Variants in SLCO3A1 observed in about 807,000 individuals in gnomAD.
The protein encoded by SLCO3A1 is PGE1 transporter.
Under a neutral mutation model 63.1 loss-of-function variants are expected in SLCO3A1, and 27 were observed. That is an observed-to-expected ratio of 0.43 (90% CI 0.32 to 0.59). SLCO3A1 has a LOEUF of 0.59. Among genes scored for constraint, SLCO3A1 ranks in the 20% least tolerant of loss-of-function variants. The pLI, the probability that SLCO3A1 is intolerant of heterozygous loss-of-function variation, is 0.09. For synonymous variants in SLCO3A1, 473 were observed against 409.9 expected (o/e 1.15, Z -1.86); for missense variants, 773 against 945.8 (o/e 0.82, Z 2.40).
At chr15:92,154,338 C>G (rs770428685) in intron 9 of SLCO3A1, among the ~76,000 whole-genome samples, 2 of 152,194 alleles carry the variant, frequency 1.3e-5, no homozygotes, top group Non-Finnish European at 2.9e-5. Context: ...GGATGTAGAG[C>G]AAGTTGGGAG....
chr15:92,172,101 A>G (rs1007270749), exon 11 of SLCO3A1: 2 of 461,170 alleles, frequency 4.3e-6, no homozygotes, highest in South Asian at 3.6e-5. Context: ...CTGGGTCTCT[A>G]AAGAGTCATG....
At chr15:92,078,802 G>A (rs888040341) in intron 2 of SLCO3A1, among the ~76,000 whole-genome samples, 3 of 152,146 alleles carry the variant, frequency 2.0e-5, no homozygotes, top group South Asian at 2.1e-4. Context: ...AAATGAGGTA[G>A]TACATGGAAT....
intron 2 of SLCO3A1, among the ~76,000 whole-genome samples, chr15:92,035,319 A>G (rs912812440): frequency 6.6e-6 from 1 of 151,864 alleles, no homozygotes; most frequent in Non-Finnish European, 1.5e-5. Flanking sequence ...AATGGGAAAC[A>G]TCATGATTTT....
chr15:92,141,989 T>C (rs1419003245), intron 7 of SLCO3A1, among the ~76,000 whole-genome samples: 1 of 152,210 alleles, frequency 6.6e-6, no homozygotes, highest in Non-Finnish European at 1.5e-5. Context: ...ATTGACTCAT[T>C]GGATGGAAAA....
chr15:92,060,644 C>T (rs987802547), intron 2 of SLCO3A1, among the ~76,000 whole-genome samples: 10 of 151,976 alleles, frequency 6.6e-5, no homozygotes, highest in African/African-American at 1.9e-4. Context: ...GGACTACAGA[C>T]GCACAGTGCC....
At position 91,954,107 on chromosome 15, in the gene SLCO3A1, C is replaced by G. The variant is rs1266565768; in HGVS notation, c.646+37649C>G. On this transcript the variant is annotated intron_variant, in intron 2 of 9. Transcript: ENST00000318445. The surrounding 1 kb of genome is among the most constrained non-coding windows in gnomAD (Gnocchi z 4.7). ...TTCACAGAGCATGTAGAAACCCCCA[C>G]TCATGAGGGAAAGATTGAGAAAGGC... Among the ~76,000 whole-genome samples the G allele has an allele frequency of 6.6e-6, 1 of 152,202 alleles. No homozygotes were observed. Among genetic ancestry groups the G allele is most frequent in the Non-Finnish European group, 1.5e-5 (1 of 68,038 alleles).
chr15:92,125,244 C>T (rs1217374584), intron 5 of SLCO3A1, among the ~76,000 whole-genome samples: 1 of 152,128 alleles, frequency 6.6e-6, no homozygotes, highest in East Asian at 1.9e-4. Context: ...GCATCATCTA[C>T]ATGGTAGATA....
Position 91,960,507 on chromosome 15 carries a change from G to A in SLCO3A1, c.646+44049G>A, listed in dbSNP as rs116384573. Among the ~76,000 whole-genome samples the A allele has an allele frequency of 3.5e-3, 539 of 152,198 alleles. 2 individuals carry two copies. Among genetic ancestry groups the A allele is most frequent in the African/African-American group, 0.012 (511 of 41,536 alleles). On this transcript the variant is annotated intron_variant, in intron 2 of 9. Coordinates refer to ENST00000318445, the MANE Select transcript of SLCO3A1 (RefSeq NM_013272.4). ...TATTGGATACATCCAAGCCAGTTCC[G>A]GGATGCCTTCTCTCTGTGGTGTCCC...
At position 91,853,867 on chromosome 15, in the gene SLCO3A1, G is replaced by T. The variant is rs755357441; in HGVS notation, c.-42G>T. ...CGGCCCCGACACCCGGGGCGAGCGGGAAAGCGGCAGCGGCGGCGGCGGCGG... is the reference window on the plus strand; with the variant it reads ...CGGCCCCGACACCCGGGGCGAGCGGTAAAGCGGCAGCGGCGGCGGCGGCGG... On this transcript the variant is annotated 5_prime_UTR_variant, in exon 1 of 10. Transcript: ENST00000318445. 4.0e-5 allele frequency: 52 copies of T among 1,285,678 alleles called. No individual in the cohort carries two copies. Among genetic ancestry groups the T allele is most frequent in the Non-Finnish European group, 5.0e-5 (51 of 1,016,278 alleles). The allele number at this position is 1,285,678 out of a possible 1,614,324, so 79.6% of individuals were successfully genotyped here.
At chr15:92,032,336 A>G (rs1004885534) in intron 2 of SLCO3A1, among the ~76,000 whole-genome samples, 3 of 152,116 alleles carry the variant, frequency 2.0e-5, no homozygotes, top group African/African-American at 2.4e-5. Flanking sequence ...CTCCTTGAGG[A>G]TGCAGAACCA....
chr15:91,869,123 G>A (rs1897235462), intron 1 of SLCO3A1, among the ~76,000 whole-genome samples: 1 of 152,146 alleles, frequency 6.6e-6, no homozygotes, highest in Non-Finnish European at 1.5e-5. Context: ...ACTGGGAGCC[G>A]GGCATGGTAG....
chr15:91,985,859 A>T (rs2046045125), intron 2 of SLCO3A1, among the ~76,000 whole-genome samples: 1 of 152,180 alleles, frequency 6.6e-6, no homozygotes, highest in African/African-American at 2.4e-5. Flanking sequence ...GGAAGGAGGA[A>T]TGAGTGCACG....
At chr15:92,051,122 A>G (rs977845290) in intron 2 of SLCO3A1, among the ~76,000 whole-genome samples, 5 of 152,158 alleles carry the variant, frequency 3.3e-5, no homozygotes, top group Admixed American at 3.3e-4. Flanking sequence ...TTCTCTTACT[A>G]TGATAGAGGT....
At chr15:91,933,769 G>A (rs749391959) in intron 2 of SLCO3A1, among the ~76,000 whole-genome samples, 4 of 152,202 alleles carry the variant, frequency 2.6e-5, no homozygotes, top group Non-Finnish European at 5.9e-5. Context: ...GCACAGAGAG[G>A]TTGGGTAACT....
rs534485521 is a variant in SLCO3A1, at chr15:91,949,563, G to C, written c.646+33105G>C. 2.0e-5 allele frequency among the ~76,000 whole-genome samples: 3 copies of C among 152,270 alleles called. No individual in the cohort carries two copies. The East Asian group carries it at 5.8e-4, about 30-fold the overall frequency. ...AAGACACACTTCAACCCGGGAGGTG[G>C]AGTTTGCAATGAGTTGAGATCGTGC... On this transcript the variant is annotated intron_variant, in intron 2 of 9. Coordinates refer to ENST00000318445, the MANE Select transcript of SLCO3A1 (RefSeq NM_013272.4).
intron 2 of SLCO3A1, among the ~76,000 whole-genome samples, chr15:91,927,511 T>C (rs1336221454): frequency 6.6e-6 from 1 of 152,188 alleles, no homozygotes; most frequent in Non-Finnish European, 1.5e-5. Context: ...GCAAACCTTT[T>C]ATGGGATAGT....
Position 92,164,518 on chromosome 15 carries a change from ACT to A in SLCO3A1, c.*1386_*1387del, listed in dbSNP as rs2048476776. On this transcript the variant is annotated 3_prime_UTR_variant, in exon 10 of 10. Transcript: ENST00000318445. ...GTTCTTTTCAGCCTGTGGAGGAGAC[ACT>A]CTTAGATGTGGGTTTGTGTGTATGG... is the stretch of plus-strand genomic sequence containing the variant. 1.0e-6 allele frequency: 1 copy of A among 985,132 alleles called. No individual in the cohort carries two copies. The highest frequency in any genetic ancestry group is 6.2e-5 in the Admixed American group (1 of 16,238). 61.0% of individuals were successfully genotyped at this position (985,132 alleles called of 1,614,324 possible). A position where few individuals can be genotyped will look rare whatever the true frequency, so the allele number is the denominator to read the frequency against.
downstream of SLCO3A1, among the ~76,000 whole-genome samples, chr15:92,168,641 C>T (rs1208938168): frequency 1.3e-5 from 2 of 152,320 alleles, no homozygotes; most frequent in East Asian, 3.9e-4. Context: ...CCTAAGACTG[C>T]TGTAGCATGG....
At chr15:91,903,613 C>T (rs1438710190) in intron 1 of SLCO3A1, among the ~76,000 whole-genome samples, 1 of 152,102 alleles carries the variant, frequency 6.6e-6, no homozygotes, top group Non-Finnish European at 1.5e-5. Context: ...GCCTTTTCCT[C>T]CAGTGGACAC....
Sources: allele counts gnomAD v4.1 joint callset (sites outside exome capture counted in the v4.1 genomes callset), GRCh38; gene constraint gnomAD v4.1.1; non-coding constraint Gnocchi (gnomAD v3.1); transcripts MANE v1.5; gene names NCBI Gene and HGNC (gene_info 2026-07-23, HGNC 2026-07-21).